Variants in GRPEL1 observed in about 807,000 individuals in gnomAD.
The protein encoded by GRPEL1 is GrpE like 1, mitochondrial, also known as grpE protein homolog 1, mitochondrial.
GRPEL1 carries 13 observed loss-of-function variants against 22.1 expected under a neutral mutation model. The ratio of observed to expected loss-of-function variants is 0.59; its 90% CI spans 0.38 to 0.94. The LOEUF is 0.94. Among genes scored for constraint, GRPEL1 ranks in the 40% least tolerant of loss-of-function variants. GRPEL1 has a pLI of 0.00. For synonymous variants in GRPEL1, 109 were observed against 105.3 expected (o/e 1.03, Z -0.21); for missense variants, 289 against 264.6 (o/e 1.09, Z -0.64).
At chr4:7,064,608 G>C (rs1387317902) in intron 1 of GRPEL1, among the ~76,000 whole-genome samples, 1 of 151,940 alleles carries the variant, frequency 6.6e-6, no homozygotes, top group African/African-American at 2.4e-5. Context: ...CCGTCTCGTG[G>C]GTTCAAGGGA....
chr4:7,066,720 C>T (rs944227223), intron 1 of GRPEL1, among the ~76,000 whole-genome samples: 7 of 152,334 alleles, frequency 4.6e-5, no homozygotes, highest in Admixed American at 4.6e-4. Context: ...GCACAGCCAA[C>T]ACAAAGTGTG....
At chr4:7,066,644 T>G (rs559475271) in intron 1 of GRPEL1, among the ~76,000 whole-genome samples, 89 of 152,358 alleles carry the variant, frequency 5.8e-4, no homozygotes, top group Admixed American at 3.1e-3. Context: ...CTCCAGTTGT[T>G]CTGCCTGGGG....
chr4:7,062,374 G>A lies in GRPEL1; in HGVS notation c.307+11C>T, dbSNP rs1367038406. 8 of 1,445,390 alleles carry A rather than the reference G, an allele frequency of 5.5e-6. No individual in the cohort carries two copies. The South Asian group carries it at 8.1e-5, about 15-fold the overall frequency. 89.5% of individuals were successfully genotyped at this position (1,445,390 alleles called of 1,614,324 possible). ...CTTTCCGGAATCAACACCATGTTAT[G>A]TTGAAAGTACCGTATAATTTTGCCT... is the stretch of plus-strand genomic sequence containing the variant. On this transcript the variant is annotated intron_variant, in intron 3 of 3. Coordinates refer to ENST00000264954, the MANE Select transcript of GRPEL1 (RefSeq NM_025196.4).
rs780674827 is a variant in GRPEL1 at position 7,068,050 on chromosome 4, G to A, written c.-18C>T. On this transcript the variant is annotated 5_prime_UTR_variant, in exon 1 of 4. Transcript: ENST00000264954. The stretch of plus-strand genomic sequence containing the variant: ...GCCGCCATGACTGCCACTGCCCGTC[G>A]CAGTCGCCGCGCACGCACCAAGCGT... 5 of 1,611,398 alleles carry A rather than the reference G, an allele frequency of 3.1e-6. No homozygotes were observed. The highest frequency in any genetic ancestry group is 1.7e-4 in the Middle Eastern group (1 of 6,056).
intron 2 of GRPEL1, among the ~76,000 whole-genome samples, chr4:7,062,770 C>T (rs2108791603): frequency 6.6e-6 from 1 of 152,192 alleles, no homozygotes; most frequent in African/African-American, 2.4e-5. Flanking sequence ...CCTCGGCCTC[C>T]CAAAGTGCTG....
chr4:7,062,353 C>T, intron 3 of GRPEL1, 32 bp downstream of exon 3: 1 of 1,144,586 alleles, frequency 8.7e-7, no homozygotes, highest in Non-Finnish European at 1.3e-6. Flanking sequence ...TATCTTCTTT[C>T]CGGAATCAAC....
chr4:7,061,453 G>T (rs756498200), intron 3 of GRPEL1: 6 of 459,540 alleles, frequency 1.3e-5, no homozygotes, highest in Non-Finnish European at 2.3e-5. Context: ...GCAGTAGAGG[G>T]GAAAATACCC....
rs140189257 is a variant in GRPEL1 at position 7,066,217 on chromosome 4, C to T, written c.62+1754G>A. Among the ~76,000 whole-genome samples, 158 of 152,312 alleles carry T rather than the reference C, an allele frequency of 1.0e-3. 1 individual carries two copies. Among genetic ancestry groups the T allele is most frequent in the African/African-American group, 3.6e-3 (151 of 41,554 alleles). ...TCAACGAATAGGAAGGTGAAGGCTG[C>T]CAGCACACAGAACTCAGTCAAGGCT... On this transcript the variant is annotated intron_variant, in intron 1 of 3. Coordinates refer to ENST00000264954, the MANE Select transcript of GRPEL1 (RefSeq NM_025196.4).
chr4:7,067,821 G>A (rs901100153), intron 1 of GRPEL1, 150 bp downstream of exon 1: 1 of 774,436 alleles, frequency 1.3e-6, no homozygotes, highest in Non-Finnish European at 2.1e-6. Context: ...CCAGCGGGGC[G>A]GTCCGCGTCC....
At chr4:7,061,492 A>C in intron 3 of GRPEL1, 1 of 354,258 alleles carries the variant, frequency 2.8e-6, no homozygotes, top group Non-Finnish European at 5.2e-6. Flanking sequence ...GATGTCAAGC[A>C]AGCAGTAAGA....
chr4:7,062,437 A>G lies in GRPEL1; in HGVS notation c.255T>C (p.Thr85=). The G allele has an allele frequency of 6.3e-7, 1 of 1,592,186 alleles. No homozygotes were observed. Among genetic ancestry groups the G allele is most frequent in the Admixed American group, 1.7e-5 (1 of 59,392 alleles). ...TCTGGCTCCTCTGCCGTAAGTTCTCAGTGTCTGCCAAAGCTCGTTTATATT... is the reference window on the plus strand; with the variant it reads ...TCTGGCTCCTCTGCCGTAAGTTCTCGGTGTCTGCCAAAGCTCGTTTATATT... The part of the protein sequence containing the change: ...VEKYKRALAD[T]ENLRQRSQKL... The change falls in exon 3 of 4, where the codon ACT becomes ACC. Residue 85 remains threonine (T), a synonymous_variant. Coordinates refer to ENST00000264954, the MANE Select transcript of GRPEL1 (RefSeq NM_025196.4).
chr4:7,068,027 C>A lies in GRPEL1; in HGVS notation c.6G>T (p.Ala2=), dbSNP rs1724218138. The part of the protein sequence containing the change: M[A]AQCVRLARRS... Reference sequence around the variant, plus strand: ...GCCGCGCCAACCTCACGCACTGAGCCGCCATGACTGCCACTGCCCGTCGCA... The same window carrying A: ...GCCGCGCCAACCTCACGCACTGAGCAGCCATGACTGCCACTGCCCGTCGCA... The change falls in exon 1 of 4, where the codon GCG becomes GCT. Residue 2 remains alanine, a synonymous_variant. Transcript: ENST00000264954. The A allele has an allele frequency of 6.2e-7, 1 of 1,612,812 alleles. No individual in the cohort carries two copies. The highest frequency in any genetic ancestry group is 8.5e-7 in the Non-Finnish European group (1 of 1,179,754).
At position 7,060,675 on chromosome 4, in the gene GRPEL1, GAACAGAC is replaced by G; in HGVS notation, c.*180_*186del. The G allele has an allele frequency of 1.6e-6, 1 of 625,550 alleles. No homozygotes were observed. The highest frequency in any genetic ancestry group is 2.7e-5 in the East Asian group (1 of 37,322). 38.7% of individuals were successfully genotyped at this position (625,550 alleles called of 1,614,324 possible). Reference sequence around the variant, plus strand: ...CTATTCAACGCGTGGCACTAAAAGGGAACAGACTCCCGAATTAGAGTTCATTAATGCA... The same window carrying G: ...CTATTCAACGCGTGGCACTAAAAGGGTCCCGAATTAGAGTTCATTAATGCA... On this transcript the variant is annotated 3_prime_UTR_variant, in exon 4 of 4. Coordinates refer to ENST00000264954, the MANE Select transcript of GRPEL1 (RefSeq NM_025196.4).
chr4:7,064,944 G>A (rs1351524733), intron 1 of GRPEL1, among the ~76,000 whole-genome samples: 2 of 152,188 alleles, frequency 1.3e-5, no homozygotes, highest in African/African-American at 4.8e-5. Flanking sequence ...ACAGGCATGA[G>A]CCACTGTGCC....
rs1723963725 is a variant in GRPEL1 at position 7,058,973 on chromosome 4, G to A, written c.*1889C>T. The A allele has an allele frequency of 6.6e-6, 1 of 152,228 alleles. No individual in the cohort carries two copies. The highest frequency in any genetic ancestry group is 2.4e-5 in the African/African-American group (1 of 41,446). 9.4% of individuals were successfully genotyped at this position (152,228 alleles called of 1,614,324 possible). On this transcript the variant is annotated 3_prime_UTR_variant, in exon 4 of 4. Coordinates refer to ENST00000264954, the MANE Select transcript of GRPEL1 (RefSeq NM_025196.4). Reference sequence around the variant, plus strand: ...ACCATTGTGTTAACAGTTGCCTACAGTATCAGTACAGTAACGTGCCCTCCA... The same window carrying A: ...ACCATTGTGTTAACAGTTGCCTACAATATCAGTACAGTAACGTGCCCTCCA...
At chr4:7,061,322 G>A (rs1241047490) in intron 3 of GRPEL1, 114 bp from the exon 4 acceptor site, 7 of 774,988 alleles carry the variant, frequency 9.0e-6, no homozygotes, top group Admixed American at 8.3e-5. Context: ...CAAATCAATC[G>A]CCTCAGAATT....
rs777939267 is a variant in GRPEL1, at chr4:7,059,093, A to G, written c.*1769T>C. On this transcript the variant is annotated 3_prime_UTR_variant, in exon 4 of 4. Transcript: ENST00000264954. The stretch of plus-strand genomic sequence containing the variant: ...GTCCATGTAGGTACACATGGTGTTC[A>G]CAGGAAAAACTGCCTGACAGCGCAT... The G allele has an allele frequency of 1.3e-5, 2 of 152,184 alleles. No individual in the cohort carries two copies. The highest frequency in any genetic ancestry group is 2.9e-5 in the Non-Finnish European group (2 of 68,030). The allele number at this position is 152,184 out of a possible 1,614,324, so 9.4% of individuals were successfully genotyped here.
rs760104530 is a variant in GRPEL1, at chr4:7,061,082, ACCAGC to A, written c.429_433del (p.Leu144HisfsTer3). 1 of 1,614,096 alleles carries A rather than the reference ACCAGC, an allele frequency of 6.2e-7. No homozygotes were observed. The highest frequency in any genetic ancestry group is 8.5e-7 in the Non-Finnish European group (1 of 1,180,042). Reference sequence around the variant, plus strand: ...CTTCTGGATCTGGACTTCAGTCATGACCAGCCCCTCATAGAGGTTCTTCAGGTGAG... The same window carrying A: ...CTTCTGGATCTGGACTTCAGTCATGACCCTCATAGAGGTTCTTCAGGTGAG... On this transcript the variant is annotated frameshift_variant, in exon 4 of 4. Transcript: ENST00000264954. LOFTEE classifies it high-confidence loss of function.
At position 7,059,197 on chromosome 4, in the gene GRPEL1, T is replaced by C. The variant is rs769743990; in HGVS notation, c.*1665A>G. The C allele has an allele frequency of 2.6e-5, 4 of 152,218 alleles. No homozygotes were observed. The highest frequency in any genetic ancestry group is 5.9e-5 in the Non-Finnish European group (4 of 68,048). 9.4% of individuals were successfully genotyped at this position (152,218 alleles called of 1,614,324 possible). A position where few individuals can be genotyped will look rare whatever the true frequency, so the allele number is the denominator to read the frequency against. On this transcript the variant is annotated 3_prime_UTR_variant, in exon 4 of 4. Transcript: ENST00000264954. ...GAAAACCCCCCAAGTTTGAAACAAT[T>C]CTGGTTCTAAGCATTTCAGATGATA...
Sources: gnomAD v4.1 joint callset for allele counts (sites outside exome capture counted in the v4.1 genomes callset) on GRCh38, gnomAD v4.1.1 for gene constraint, MANE v1.5 for transcripts, NCBI Gene and HGNC (gene_info 2026-07-23, HGNC 2026-07-21) for gene names.